Variants in RHOJ observed in about 807,000 individuals in gnomAD.
The protein encoded by RHOJ is rho-related GTP-binding protein RhoJ.
A neutral mutation model predicts 23.4 loss-of-function variants in RHOJ; 11 were observed. That is an observed-to-expected ratio of 0.47 (90% CI 0.30 to 0.78). The LOEUF is 0.78. Ranked by LOEUF, RHOJ falls within the 30% of genes least tolerant of loss-of-function variation. RHOJ has a pLI of 0.08. For missense variants in RHOJ, 254 were observed against 273.4 expected (o/e 0.93, Z 0.50); for synonymous variants, 102 against 102.7 (o/e 0.99, Z 0.04).
chr14:63,267,647 T>C (rs918520500), intron 1 of RHOJ, among the ~76,000 whole-genome samples: 20 of 152,156 alleles, frequency 1.3e-4, no homozygotes, highest in African/African-American at 4.8e-4. Flanking sequence ...AGAGGAAAAA[T>C]TAAACAGGAC....
At position 63,292,293 on chromosome 14, in the gene RHOJ, T is replaced by C. The variant is rs1404708453; in HGVS notation, c.*1269T>C. ...CCAAGCTCTGTATCCATTTGTCCCC[T>C]GCCCTCCACAATGTGTGACATAGAA... On this transcript the variant is annotated 3_prime_UTR_variant, in exon 5 of 5. Coordinates refer to ENST00000316754, the MANE Select transcript of RHOJ (RefSeq NM_020663.5). The C allele has an allele frequency of 6.6e-6, 1 of 152,192 alleles. No homozygotes were observed. The highest frequency in any genetic ancestry group is 2.4e-5 in the African/African-American group (1 of 41,456). 9.4% of individuals were successfully genotyped at this position (152,192 alleles called of 1,614,324 possible). A position where few individuals can be genotyped will look rare whatever the true frequency, so the allele number is the denominator to read the frequency against.
intron 1 of RHOJ, among the ~76,000 whole-genome samples, chr14:63,222,115 G>C (rs1283829518): frequency 6.6e-6 from 1 of 151,678 alleles, no homozygotes; most frequent in Admixed American, 6.6e-5. Context: ...GAGAATGATG[G>C]TTTCCAGCTT....
intron 1 of RHOJ, among the ~76,000 whole-genome samples, chr14:63,206,373 G>A (rs1894108901): frequency 6.6e-6 from 1 of 152,136 alleles, no homozygotes; most frequent in Non-Finnish European, 1.5e-5. Context: ...ACAGAATAAA[G>A]AGAAGAACAG....
chr14:63,270,380 T>G (rs966486186), intron 2 of RHOJ, among the ~76,000 whole-genome samples: 1 of 152,114 alleles, frequency 6.6e-6, no homozygotes, highest in Admixed American at 6.5e-5. Context: ...GACTCAAAGC[T>G]TCTAAGAGCA....
intron 1 of RHOJ, among the ~76,000 whole-genome samples, chr14:63,213,403 CTA>C (rs1566603323): frequency 6.6e-6 from 1 of 152,144 alleles, no homozygotes; most frequent in Non-Finnish European, 1.5e-5. Context: ...TTTTCTGTTT[CTA>C]TGTTACTTTG....
chr14:63,205,050 A>G lies in RHOJ; in HGVS notation c.178+3A>G, dbSNP rs773505405. 3.7e-6 allele frequency: 6 copies of G among 1,611,050 alleles called. No individual in the cohort carries two copies. Among genetic ancestry groups the G allele is most frequent in the Non-Finnish European group, 2.5e-6 (3 of 1,178,010 alleles). On this transcript the variant is annotated splice_donor_region_variant and intron_variant, in intron 1 of 4. Transcript: ENST00000316754. ...CACTGTGTTTGACCACTATGCAGGT[A>G]AGAAAAAGTGGGAAACTCTCTGCAT...
At position 63,225,687 on chromosome 14, in the gene RHOJ, A is replaced by G. The variant is rs936132914; in HGVS notation, c.178+20640A>G. On this transcript the variant is annotated intron_variant, in intron 1 of 4. Coordinates refer to ENST00000316754, the MANE Select transcript of RHOJ (RefSeq NM_020663.5). The stretch of plus-strand genomic sequence containing the variant: ...GTATTTTGAAAAGGATGCCAAAAAA[A>G]CAACAGAATTCACAGAAGAGACAAC... Among the ~76,000 whole-genome samples, 7 of 152,366 alleles carry G rather than the reference A, an allele frequency of 4.6e-5. No individual in the cohort carries two copies. In the East Asian group the frequency reaches 1.3e-3, roughly 29 times the overall value.
At chr14:63,273,977 G>A (rs10132247) in intron 2 of RHOJ, among the ~76,000 whole-genome samples, 9,199 of 152,250 alleles carry the variant, frequency 0.06, 345 homozygotes, top group African/African-American at 0.07. Context: ...TGGGAGTAGA[G>A]AAGCAAGGAA....
chr14:63,212,549 T>C (rs1208422932), intron 1 of RHOJ, among the ~76,000 whole-genome samples: 1 of 152,126 alleles, frequency 6.6e-6, no homozygotes, highest in African/African-American at 2.4e-5. Flanking sequence ...TATCTACCCA[T>C]ATACACAATT....
chr14:63,265,307 A>G (rs1349522607), intron 1 of RHOJ, among the ~76,000 whole-genome samples: 1 of 151,998 alleles, frequency 6.6e-6, no homozygotes, highest in Non-Finnish European at 1.5e-5. Context: ...ATTTTTGTAA[A>G]CTTTATCAAA....
rs1355132391 is a variant in RHOJ, at chr14:63,293,085, A to T, written c.*2061A>T. On this transcript the variant is annotated 3_prime_UTR_variant, in exon 5 of 5. Coordinates refer to ENST00000316754, the MANE Select transcript of RHOJ (RefSeq NM_020663.5). ...TTTTCAGTCAAAGCTTGACATTTAG[A>T]GAAAACAAGGACTTTCTGCCTTTAT... 6.6e-6 allele frequency: 1 copy of T among 152,246 alleles called. No homozygotes were observed. The highest frequency in any genetic ancestry group is 2.4e-5 in the African/African-American group (1 of 41,462). The allele number at this position is 152,246 out of a possible 1,614,324, so 9.4% of individuals were successfully genotyped here. A position where few individuals can be genotyped will look rare whatever the true frequency, so the allele number is the denominator to read the frequency against.
chr14:63,281,683 TAAACAAACCTACG>T (rs1881905096), intron 3 of RHOJ, among the ~76,000 whole-genome samples: 1 of 152,200 alleles, frequency 6.6e-6, no homozygotes, highest in Admixed American at 6.5e-5. Flanking sequence ...ATATACCAGC[TAAACAAACCTACG>T]ACTGTGAAAG....
At chr14:63,240,430 G>A (rs1015269357) in intron 1 of RHOJ, among the ~76,000 whole-genome samples, 1 of 152,178 alleles carries the variant, frequency 6.6e-6, no homozygotes, top group African/African-American at 2.4e-5. Context: ...CCTCATTCCT[G>A]CAGAGGCTGC....
chr14:63,265,829 T>C lies in RHOJ; in HGVS notation c.179-3281T>C, dbSNP rs114433335. ...GTCATAGGTGGATTTAAACATTTCC[T>C]GACTGGCAATTGGTTGAAAGGGTTA... On this transcript the variant is annotated intron_variant, in intron 1 of 4. Transcript: ENST00000316754. Among the ~76,000 whole-genome samples the C allele has an allele frequency of 8.7e-3, 1,320 of 152,358 alleles. 18 individuals carry two copies. The highest frequency in any genetic ancestry group is 0.029 in the African/African-American group (1,226 of 41,586).
chr14:63,253,072 A>T (rs544416407), intron 1 of RHOJ, among the ~76,000 whole-genome samples: 2 of 152,194 alleles, frequency 1.3e-5, no homozygotes, highest in Non-Finnish European at 2.9e-5. Context: ...TGTTTATATC[A>T]CTTGCCTATT....
chr14:63,245,595 C>A (rs1894962834), intron 1 of RHOJ, among the ~76,000 whole-genome samples: 1 of 152,004 alleles, frequency 6.6e-6, no homozygotes, highest in Non-Finnish European at 1.5e-5. Context: ...GAGTTTGAGA[C>A]CGCAGTGAGC....
intron 2 of RHOJ, among the ~76,000 whole-genome samples, chr14:63,270,244 AAAT>A (rs1378575903): frequency 6.6e-6 from 1 of 151,298 alleles, no homozygotes; most frequent in Non-Finnish European, 1.5e-5. Context: ...ACAAGAATAT[AAAT>A]AAATGGAATT....
At chr14:63,248,525 G>A (rs1895015341) in intron 1 of RHOJ, among the ~76,000 whole-genome samples, 1 of 152,162 alleles carries the variant, frequency 6.6e-6, no homozygotes. Flanking sequence ...ACTATTTCGA[G>A]TAGATTTCAG....
rs1293900598 is a variant in RHOJ at position 63,292,053 on chromosome 14, GAGCA to G, written c.*1030_*1033del. ...TAACCCAGTTATAAAAGAAAGATCT[GAGCA>G]TAAAGATACGTGTTTAAAAATAACT... is the stretch of plus-strand genomic sequence containing the variant. On this transcript the variant is annotated 3_prime_UTR_variant, in exon 5 of 5. Transcript: ENST00000316754. 1 of 152,128 alleles carries G rather than the reference GAGCA, an allele frequency of 6.6e-6. No individual in the cohort carries two copies. Among genetic ancestry groups the G allele is most frequent in the Admixed American group, 6.5e-5 (1 of 15,270 alleles). The allele number at this position is 152,128 out of a possible 1,614,324, so 9.4% of individuals were successfully genotyped here.
Sources: gnomAD v4.1 joint callset for allele counts (sites outside exome capture counted in the v4.1 genomes callset) on GRCh38, gnomAD v4.1.1 for gene constraint, MANE v1.5 for transcripts, NCBI Gene and HGNC (gene_info 2026-07-23, HGNC 2026-07-21) for gene names.